Variants in VPS35L observed in about 807,000 individuals in gnomAD.
VPS35L encodes the protein VPS35 endosomal protein sorting factor like.
VPS35L carries 83 observed loss-of-function variants against 133.0 expected under a neutral mutation model. The observed-to-expected ratio is 0.62, with a 90% confidence interval of 0.52 to 0.75. The LOEUF (loss-of-function observed/expected upper bound fraction) is 0.75. Ranked by LOEUF, VPS35L falls within the 30% of genes least tolerant of loss-of-function variation. The pLI is 0.00. For synonymous variants in VPS35L, 423 were observed against 449.9 expected, an observed-to-expected ratio of 0.94 and a Z score of 0.76; for missense variants, 1,083 against 1,206.8, an observed-to-expected ratio of 0.90 and a Z score of 1.52.
At chr16:19,665,860 G>T (rs1974646814) in intron 26 of VPS35L, among the ~76,000 whole-genome samples, 1 of 152,066 alleles carries the variant, frequency 6.6e-6, no homozygotes, top group Non-Finnish European at 1.5e-5. Context: ...CTGTCTTTTG[G>T]ATAAAAGCCA....
At chr16:19,690,865 AG>A (rs1975646197) in intron 28 of VPS35L, among the ~76,000 whole-genome samples, 1 of 152,078 alleles carries the variant, frequency 6.6e-6, no homozygotes, top group Admixed American at 6.5e-5. Flanking sequence ...CAAGAGGCTG[AG>A]GCAGGAGGAC....
In VPS35L at chr16:19,591,837, C is replaced by G; in HGVS notation, c.687C>G (p.Ser229Arg). The change falls in exon 8 of 31, where the codon AGC (serine) becomes AGG (arginine). Residue 229 changes from serine to arginine, a missense_variant. By Grantham distance (110) the Ser-to-Arg change is moderately radical. Coordinates refer to ENST00000417362, the MANE Select transcript of VPS35L (RefSeq NM_020314.7). ...SDTSVIQFYP[S>R]KFVLITDILD... ...CCAGTGTTATTCAGTTCTACCCAAG[C>G]AAATTTGTCCTTATCACCGACATAC... 3 of 1,612,574 alleles carry G rather than the reference C, an allele frequency of 1.9e-6. No individual in the cohort carries two copies. Among genetic ancestry groups the G allele is most frequent in the Non-Finnish European group, 2.5e-6 (3 of 1,178,752 alleles).
intron 5 of VPS35L, among the ~76,000 whole-genome samples, chr16:19,576,793 G>C (rs1971553736): frequency 6.6e-6 from 1 of 150,954 alleles, no homozygotes; most frequent in South Asian, 2.1e-4. Flanking sequence ...TGCAACCTCT[G>C]CCTCCTGGGT....
chr16:19,559,145 G>T (rs1970950472), intron 1 of VPS35L, among the ~76,000 whole-genome samples: 1 of 152,102 alleles, frequency 6.6e-6, no homozygotes, highest in Admixed American at 6.6e-5. Flanking sequence ...AGATTAATTT[G>T]GTTAATCATA....
chr16:19,658,626 T>G (rs922096277), intron 26 of VPS35L, among the ~76,000 whole-genome samples: 1 of 151,870 alleles, frequency 6.6e-6, no homozygotes, highest in African/African-American at 2.4e-5. Flanking sequence ...TCATGCACTA[T>G]GGACATAAAA....
intron 9 of VPS35L, among the ~76,000 whole-genome samples, chr16:19,605,753 C>T (rs1232601379): frequency 1.3e-5 from 2 of 152,204 alleles, no homozygotes; most frequent in Non-Finnish European, 2.9e-5. Context: ...TCAAGTCACT[C>T]TTTATTCCAA....
At chr16:19,566,363 G>T (rs1390900728) in intron 2 of VPS35L, among the ~76,000 whole-genome samples, 1 of 152,138 alleles carries the variant, frequency 6.6e-6, no homozygotes, top group African/African-American at 2.4e-5. Flanking sequence ...GGGCATAGTG[G>T]CATATGCCTG....
At chr16:19,647,496 G>A (rs1973986509) in intron 23 of VPS35L, among the ~76,000 whole-genome samples, 1 of 152,156 alleles carries the variant, frequency 6.6e-6, no homozygotes, top group African/African-American at 2.4e-5. Context: ...TGTTACGATG[G>A]CAAACCTTCT....
chr16:19,675,060 T>A (rs970168319), intron 27 of VPS35L, among the ~76,000 whole-genome samples: 2 of 151,800 alleles, frequency 1.3e-5, no homozygotes, highest in Admixed American at 6.6e-5. Context: ...TCAAATATTG[T>A]CCCAACTCAG....
intron 28 of VPS35L, among the ~76,000 whole-genome samples, chr16:19,686,059 A>G (rs1220001753): frequency 6.6e-6 from 1 of 152,188 alleles, no homozygotes; most frequent in African/African-American, 2.4e-5. Context: ...GCTTTTAGAG[A>G]TGAAAACAGA....
At chr16:19,608,375 T>G in intron 10 of VPS35L, 101 bp downstream of exon 10, 2 of 943,406 alleles carry the variant, frequency 2.1e-6, no homozygotes, top group Non-Finnish European at 1.7e-6. Context: ...ACATTCTTAT[T>G]GAAAGTTTGG....
intron 8 of VPS35L, among the ~76,000 whole-genome samples, chr16:19,596,474 T>C (rs1332780011): frequency 2.0e-5 from 3 of 151,220 alleles, no homozygotes; most frequent in Admixed American, 6.6e-5. Context: ...GGGATCTCAC[T>C]GTGTGGCCCA....
chr16:19,616,072 A>G, intron 12 of VPS35L, 42 bp from the exon 13 acceptor site: 1 of 1,489,826 alleles, frequency 6.7e-7, no homozygotes, highest in Non-Finnish European at 9.3e-7. Context: ...ATCATACTAT[A>G]GTCATTATTT....
chr16:19,672,605 C>T (rs935356917), intron 27 of VPS35L, among the ~76,000 whole-genome samples: 2 of 152,210 alleles, frequency 1.3e-5, no homozygotes, highest in African/African-American at 4.8e-5. Flanking sequence ...GGCTCAAGGA[C>T]TGCAGACATG....
At chr16:19,607,103 T>A (rs1972559782) in intron 9 of VPS35L, among the ~76,000 whole-genome samples, 1 of 152,232 alleles carries the variant, frequency 6.6e-6, no homozygotes, top group Admixed American at 6.5e-5. Context: ...TTCTCCATAT[T>A]CTCTTCCATT....
At chr16:19,630,262 G>T (rs1327160357) in intron 18 of VPS35L, among the ~76,000 whole-genome samples, 4 of 149,976 alleles carry the variant, frequency 2.7e-5, no homozygotes, top group Non-Finnish European at 4.4e-5. Context: ...GACTTTAGAA[G>T]AAGATAGAAG....
Position 19,665,409 on chromosome 16 carries a change from C to A in VPS35L, c.2222-3751C>A, listed in dbSNP as rs545700160. The stretch of plus-strand genomic sequence containing the variant: ...TTCAATTGTTTTTGTTTTTAGCTCC[C>A]ACAAATAAGTGAGAACATGCAAAGT... On this transcript the variant is annotated intron_variant, in intron 26 of 30. Coordinates refer to ENST00000417362, the MANE Select transcript of VPS35L (RefSeq NM_020314.7). Among the ~76,000 whole-genome samples, 23 of 152,268 alleles carry A rather than the reference C, an allele frequency of 1.5e-4. 1 individual carries two copies. The Middle Eastern group carries it at 0.014, about 91-fold the overall frequency.
chr16:19,643,531 T>C (rs774241684), intron 22 of VPS35L, among the ~76,000 whole-genome samples: 2 of 152,150 alleles, frequency 1.3e-5, no homozygotes, highest in African/African-American at 2.4e-5. Context: ...CCTGTGGGCA[T>C]TGGGGAACAG....
intron 5 of VPS35L, 90 bp from the exon 6 acceptor site, chr16:19,578,962 C>G (rs917581796): frequency 9.6e-7 from 1 of 1,036,326 alleles, no homozygotes; most frequent in Admixed American, 2.0e-5. Flanking sequence ...TGTCTTTATT[C>G]ACGATGAAGT....
Sources: allele counts gnomAD v4.1 joint callset (sites outside exome capture counted in the v4.1 genomes callset), GRCh38; gene constraint gnomAD v4.1.1; transcripts MANE v1.5; gene names NCBI Gene and HGNC (gene_info 2026-07-23, HGNC 2026-07-21).